Variants in CLBA1 observed in about 807,000 individuals in gnomAD.
CLBA1 encodes clathrin binding box of aftiphilin containing 1, also known as uncharacterized protein CLBA1.
Under a neutral mutation model 28.8 loss-of-function variants are expected in CLBA1, and 30 were observed. The observed-to-expected ratio is 1.04, with a 90% confidence interval of 0.78 to 1.41. The LOEUF (loss-of-function observed/expected upper bound fraction) is 1.41, where lower values mean the gene tolerates loss of function less well. Among genes scored for constraint, CLBA1 ranks in the 40% most tolerant of loss-of-function variants. The pLI, the probability that CLBA1 is intolerant of heterozygous loss-of-function variation, is 0.00. For synonymous variants in CLBA1, 160 were observed against 152.8 expected (o/e 1.05, Z -0.35); for missense variants, 451 against 412.3 (o/e 1.09, Z -0.81).
chr14:104,990,133 C>T, intron 2 of CLBA1: 1 of 182,138 alleles, frequency 5.5e-6, no homozygotes, highest in Non-Finnish European at 1.2e-5. Flanking sequence ...GTGCTGGCAG[C>T]ATTGACATCT....
Position 104,991,506 on chromosome 14 carries a change from A to T in CLBA1, c.585A>T (p.Lys195Asn). The T allele has an allele frequency of 6.2e-7, 1 of 1,613,284 alleles. No individual in the cohort carries two copies. Among genetic ancestry groups the T allele is most frequent in the Non-Finnish European group, 8.5e-7 (1 of 1,179,686 alleles). The change falls in exon 3 of 5, where the codon AAA (lysine) becomes AAT (asparagine). Residue 195 changes from lysine (K) to asparagine (N), a missense_variant. By Grantham distance (94) the Lys-to-Asn change is moderately conservative. Coordinates refer to ENST00000547315, the MANE Select transcript of CLBA1 (RefSeq NM_174891.4). ...TGTTTTCCAGTAACGAATCCAGAAA[A>T]CTCTGGAGAGCCCTTCAGAGCATAC... ...RVHKLCNESRKLWRALQSIHT... is the reference protein window; with the variant it reads ...RVHKLCNESRNLWRALQSIHT...
At chr14:104,990,649 CCTT>C (rs1899994308) in intron 2 of CLBA1, 1 of 152,316 alleles carries the variant, frequency 6.6e-6, no homozygotes, top group African/African-American at 2.4e-5. Context: ...TGCAGGCAGA[CCTT>C]CTCAGTCCCT....
At chr14:104,996,819 G>A (rs539801453), downstream of CLBA1, among the ~76,000 whole-genome samples, 6 of 152,352 alleles carry the variant, frequency 3.9e-5, no homozygotes, top group East Asian at 3.9e-4. Flanking sequence ...CCCTCAGGGC[G>A]TCTGAAGGCC....
At position 104,993,046 on chromosome 14, in the gene CLBA1, AG is replaced by A; in HGVS notation, c.799del (p.Ala267ProfsTer2). 1.9e-6 allele frequency: 3 copies of A among 1,613,972 alleles called. No individual in the cohort carries two copies. Among genetic ancestry groups the A allele is most frequent in the Non-Finnish European group, 2.5e-6 (3 of 1,179,982 alleles). On this transcript the variant is annotated frameshift_variant, in exon 4 of 5. Coordinates refer to ENST00000547315, the MANE Select transcript of CLBA1 (RefSeq NM_174891.4). LOFTEE classifies it low-confidence loss of function (END_TRUNC). ...GCAGCTTCTGTCTCCAGCATTGCAA[AG>A]CCCTGATCCAGACCAAGGTGAGTGG... ...VSSFCLQHCKALIQTKLSGPP... is the reference protein window; with the variant it reads ...VSSFCLQHCKXLIQTKLSGPP...
intron 2 of CLBA1, 139 bp downstream of exon 2, chr14:104,989,227 G>A (rs746472974): frequency 3.7e-4 from 298 of 811,870 alleles, no homozygotes; most frequent in Non-Finnish European, 5.3e-4. Flanking sequence ...GGGTCATAGG[G>A]GTCCTATGAG....
At position 104,994,871 on chromosome 14, in the gene CLBA1, C is replaced by G. The variant is rs1900129703; in HGVS notation, c.*112C>G. On this transcript the variant is annotated 3_prime_UTR_variant, in exon 5 of 5. Coordinates refer to ENST00000547315, the MANE Select transcript of CLBA1 (RefSeq NM_174891.4). ...TGTTTTCCAGACCCCAGGCCCATTC[C>G]TGGGATCTCTCCAACAGGACCTGTC... is the stretch of plus-strand genomic sequence containing the variant. 6.8e-7 allele frequency: 1 copy of G among 1,469,146 alleles called. No individual in the cohort carries two copies. Among genetic ancestry groups the G allele is most frequent in the African/African-American group, 1.4e-5 (1 of 70,266 alleles). 91.0% of individuals were successfully genotyped at this position (1,469,146 alleles called of 1,614,324 possible).
At position 104,986,457 on chromosome 14, in the gene CLBA1, G is replaced by C. The variant is rs192585482; in HGVS notation, c.26G>C (p.Gly9Ala). 6.2e-7 allele frequency: 1 copy of C among 1,612,988 alleles called. No individual in the cohort carries two copies. The highest frequency in any genetic ancestry group is 2.2e-5 in the East Asian group (1 of 44,858). ...ATGCAAGGCCGGCGGGAGCTGGGGGGAGAGCCTTTGAGTGACCTCCAGGAG... is the reference window on the plus strand; with the variant it reads ...ATGCAAGGCCGGCGGGAGCTGGGGGCAGAGCCTTTGAGTGACCTCCAGGAG... MQGRRELG[G>A]EPLSDLQEEA... The change falls in exon 1 of 5, where the codon GGA becomes GCA. Residue 9 changes from glycine to alanine, a missense_variant. Gly to Ala is a moderately conservative substitution (Grantham distance 60, BLOSUM62 0). Coordinates refer to ENST00000547315, the MANE Select transcript of CLBA1 (RefSeq NM_174891.4).
rs751328833 is a variant in CLBA1 at position 104,994,602 on chromosome 14, C to A, written c.821C>A (p.Ser274Ter). Reference sequence around the variant, plus strand: ...ACTGCTGTCCTCTCATCTCAGCTCTCGGGGCCGCCTGGCAGCAAACAGGGG... The same window carrying A: ...ACTGCTGTCCTCTCATCTCAGCTCTAGGGGCCGCCTGGCAGCAAACAGGGG... ...HCKALIQTKLSGPPGSKQGRL... is the reference protein window; with the variant it reads ...HCKALIQTKL The change falls in exon 5 of 5, where the codon TCG (serine) becomes TAG (stop). Residue 274 changes from serine to a stop codon, truncating the protein, a stop_gained. Coordinates refer to ENST00000547315, the MANE Select transcript of CLBA1 (RefSeq NM_174891.4). LOFTEE classifies it low-confidence loss of function (END_TRUNC). 1.2e-6 allele frequency: 2 copies of A among 1,606,518 alleles called. No individual in the cohort carries two copies. Among genetic ancestry groups the A allele is most frequent in the Non-Finnish European group, 1.7e-6 (2 of 1,179,006 alleles).
downstream of CLBA1, among the ~76,000 whole-genome samples, chr14:104,997,803 G>A (rs1022326538): frequency 2.0e-5 from 3 of 152,176 alleles, no homozygotes; most frequent in African/African-American, 7.2e-5. Context: ...GAGATCAGGA[G>A]TTTGAGACCA....
At chr14:104,999,241 C>G (rs1900222259), downstream of CLBA1, 2 of 985,228 alleles carry the variant, frequency 2.0e-6, no homozygotes, top group Non-Finnish European at 2.4e-6. Context: ...GGAACGTGAC[C>G]ATCACCTGAC....
chr14:104,993,190 G>A, intron 4 of CLBA1, 126 bp downstream of exon 4: 1 of 1,512,668 alleles, frequency 6.6e-7, no homozygotes, highest in Non-Finnish European at 8.8e-7. Flanking sequence ...TGGACTTCCA[G>A]AAAACAAACA....
At chr14:104,999,321 C>A, downstream of CLBA1, 1 of 841,214 alleles carries the variant, frequency 1.2e-6, no homozygotes, top group Non-Finnish European at 1.4e-6. Flanking sequence ...ATAACTGAGC[C>A]GTCAGCCACA....
chr14:105,000,790 T>C (rs1003630208), intron 2 of CLBA1, among the ~76,000 whole-genome samples: 3 of 152,112 alleles, frequency 2.0e-5, no homozygotes, highest in Non-Finnish European at 4.4e-5. Flanking sequence ...GCTTGTGCAC[T>C]GTTGGTGGGA....
chr14:104,987,988 A>T, intron 1 of CLBA1, among the ~76,000 whole-genome samples: 1 of 152,182 alleles, frequency 6.6e-6, no homozygotes, highest in Admixed American at 6.5e-5. Context: ...TCCACTCTTA[A>T]TAGAGTAAGG....
In CLBA1 at chr14:104,994,675, T is replaced by C; in HGVS notation, c.894T>C (p.Gly298=). Residue 298 remains glycine, a synonymous_variant, in exon 5 of 5, where the codon GGT becomes GGC. Transcript: ENST00000547315. The part of the protein sequence containing the change: ...SRFLKTPSCG[G]GQHITIPRKR... ...TCCTGAAGACCCCCTCATGCGGAGG[T>C]GGCCAGCACATCACTATTCCAAGGA... 1 of 1,613,880 alleles carries C rather than the reference T, an allele frequency of 6.2e-7. No homozygotes were observed. The highest frequency in any genetic ancestry group is 1.3e-5 in the African/African-American group (1 of 74,976).
At position 104,986,546 on chromosome 14, in the gene CLBA1, A is replaced by G; in HGVS notation, c.115A>G (p.Arg39Gly). ...GCTGAGTGATGACAGTTTGGAATGG[A>G]GACGGACCTGCCCCGACCTTCTCCT... Reference protein sequence around the residue: ...ERLSDDSLEWRRTCPDLLLSD... With the variant: ...ERLSDDSLEWGRTCPDLLLSD... The change falls in exon 1 of 5, where the codon AGA becomes GGA. Residue 39 changes from arginine (R) to glycine (G), a missense_variant. Transcript: ENST00000547315. 6.2e-7 allele frequency: 1 copy of G among 1,613,870 alleles called. No individual in the cohort carries two copies. The highest frequency in any genetic ancestry group is 1.3e-5 in the African/African-American group (1 of 75,008).
At chr14:104,987,111 C>G (rs1358157893) in intron 1 of CLBA1, among the ~76,000 whole-genome samples, 1 of 152,268 alleles carries the variant, frequency 6.6e-6, no homozygotes, top group African/African-American at 2.4e-5. Flanking sequence ...CTGGGTCGCT[C>G]TTTCTGACCA....
At chr14:104,993,850 G>T (rs1900103339) in intron 4 of CLBA1, 1 of 985,338 alleles carries the variant, frequency 1.0e-6, no homozygotes, top group South Asian at 4.7e-5. Flanking sequence ...GTGACATGCA[G>T]GGAGGCGCAG....
At position 104,986,376 on chromosome 14, in the gene CLBA1, G is replaced by A; in HGVS notation, c.-56G>A. On this transcript the variant is annotated 5_prime_UTR_variant, in exon 1 of 5. In the 5' UTR this introduces an upstream ATG that the reference lacks. Transcript: ENST00000547315. ...AGTCCTGGGCGGCCAGCACCCCGGC[G>A]TGCATGTCTCCTGAGCAGCTGCCCA... 1 of 1,565,494 alleles carries A rather than the reference G, an allele frequency of 6.4e-7. No individual in the cohort carries two copies. Among genetic ancestry groups the A allele is most frequent in the South Asian group, 1.2e-5 (1 of 86,464 alleles).
Sources: gnomAD v4.1 joint callset for allele counts (sites outside exome capture counted in the v4.1 genomes callset) on GRCh38, gnomAD v4.1.1 for gene constraint, MANE v1.5 for transcripts, NCBI Gene and HGNC (gene_info 2026-07-23, HGNC 2026-07-21) for gene names.